Variants in ATXN7L1 observed in about 807,000 individuals in gnomAD.
The protein encoded by ATXN7L1 is ataxin 7 like 1.
A neutral mutation model predicts 70.8 loss-of-function variants in ATXN7L1; 15 were observed. The ratio of observed to expected loss-of-function variants is 0.21; its 90% CI spans 0.14 to 0.33. The LOEUF (loss-of-function observed/expected upper bound fraction) is 0.33, where lower values mean the gene tolerates loss of function less well. Ranked by LOEUF, ATXN7L1 falls within the 10% of genes least tolerant of loss-of-function variation. The pLI is 1.00. For synonymous variants in ATXN7L1, 440 were observed against 445.1 expected, an observed-to-expected ratio of 0.99 and a Z score of 0.14; for missense variants, 975 against 1,097.1, an observed-to-expected ratio of 0.89 and a Z score of 1.57.
chr7:105,692,423 T>TTCCTTCCTTCCCTCCCTCCCTCCCTCCC (rs1791079575), intron 3 of ATXN7L1, among the ~76,000 whole-genome samples: 1 of 101,766 alleles, frequency 9.8e-6, no homozygotes, highest in African/African-American at 3.9e-5. Flanking sequence ...CCTTCCTTCC[T>TTCCTTCCTTCCCTCCCTCCCTCCCTCCC]TCCTCCCTCC....
rs75928038 is a variant in ATXN7L1 at position 105,788,841 on chromosome 7, C to T, written c.251-133G>A. The T allele has an allele frequency of 1.4e-3, 966 of 709,830 alleles. 7 individuals carry two copies. The African/African-American group carries it at 0.014, about 10-fold the overall frequency. 44.0% of individuals were successfully genotyped at this position (709,830 alleles called of 1,614,324 possible). The stretch of plus-strand genomic sequence containing the variant: ...GCAGAAAGGCAATAATCTTTACTAA[C>T]GGGAACTCGGTTTGTCATAAGGCAA... On this transcript the variant is annotated intron_variant, in intron 2 of 11. Transcript: ENST00000419735.
At chr7:105,761,020 T>G (rs1800464195) in intron 3 of ATXN7L1, 1 of 345,512 alleles carries the variant, frequency 2.9e-6, no homozygotes, top group Non-Finnish European at 4.2e-6. Context: ...AATGACATGA[T>G]GAACTTTGAT....
intron 3 of ATXN7L1, among the ~76,000 whole-genome samples, chr7:105,773,885 A>T (rs2116446081): frequency 6.6e-6 from 1 of 152,340 alleles, no homozygotes; most frequent in South Asian, 2.1e-4. Flanking sequence ...TGGTTAAAAA[A>T]AATAAATGAT....
At chr7:105,802,202 C>T (rs933027512) in intron 2 of ATXN7L1, among the ~76,000 whole-genome samples, 2 of 152,168 alleles carry the variant, frequency 1.3e-5, no homozygotes, top group Non-Finnish European at 2.9e-5. Flanking sequence ...CAGGGTCAAT[C>T]CTTCATCACC....
chr7:105,748,801 C>G (rs190889858), intron 3 of ATXN7L1, among the ~76,000 whole-genome samples: 20 of 152,298 alleles, frequency 1.3e-4, no homozygotes, highest in African/African-American at 4.6e-4. Context: ...TAGAGCTGGG[C>G]CCACCCCGGA....
intron 7 of ATXN7L1, among the ~76,000 whole-genome samples, chr7:105,637,156 G>A (rs1474336259): frequency 1.3e-5 from 2 of 152,162 alleles, no homozygotes; most frequent in Non-Finnish European, 2.9e-5. Flanking sequence ...CCATCTGACC[G>A]CGTCCTCCTG....
intron 2 of ATXN7L1, among the ~76,000 whole-genome samples, chr7:105,804,117 GC>G (rs1807221745): frequency 6.6e-6 from 1 of 152,190 alleles, no homozygotes; most frequent in Admixed American, 6.5e-5. Context: ...AGAATGGGGT[GC>G]CCAGCTTCCT....
chr7:105,669,107 C>T (rs1355417752), intron 3 of ATXN7L1, among the ~76,000 whole-genome samples: 1 of 151,972 alleles, frequency 6.6e-6, no homozygotes, highest in East Asian at 1.9e-4. Flanking sequence ...TTTTTTGAGA[C>T]AGTCTCGCTC....
At chr7:105,867,377 T>C (rs895119991) in intron 2 of ATXN7L1, among the ~76,000 whole-genome samples, 1 of 152,242 alleles carries the variant, frequency 6.6e-6, no homozygotes, top group Non-Finnish European at 1.5e-5. Flanking sequence ...CAATGCGATG[T>C]GGTACTTTTG....
At chr7:105,761,862 T>C (rs376211323) in intron 3 of ATXN7L1, among the ~76,000 whole-genome samples, 38 of 152,346 alleles carry the variant, frequency 2.5e-4, no homozygotes, top group African/African-American at 8.4e-4. Context: ...CCACATCACA[T>C]TGTATTCTAA....
chr7:105,836,048 G>T (rs973066831), intron 2 of ATXN7L1, among the ~76,000 whole-genome samples: 6 of 152,110 alleles, frequency 3.9e-5, no homozygotes, highest in Admixed American at 2.6e-4. Context: ...ATTTATCCAG[G>T]GAAGAAGCAG....
chr7:105,620,396 T>C (rs910524912), intron 8 of ATXN7L1, 75 bp from the exon 9 acceptor site: 24 of 1,403,370 alleles, frequency 1.7e-5, no homozygotes, highest in Admixed American at 2.8e-5. Flanking sequence ...AAAAATAACA[T>C]TTACATAAAA....
chr7:105,612,487 G>T (rs539133919), intron 10 of ATXN7L1, among the ~76,000 whole-genome samples: 91 of 152,232 alleles, frequency 6.0e-4, no homozygotes, highest in Non-Finnish European at 1.1e-3. Context: ...ATGTTCACAA[G>T]CCCCCCGGGG....
chr7:105,619,523 TATATATA>T (rs1288821448), intron 9 of ATXN7L1, among the ~76,000 whole-genome samples: 15 of 16,912 alleles, frequency 8.9e-4, no homozygotes, highest in South Asian at 3.0e-3. Context: ...TATATATATA[TATATATA>T]TTTTTTTTTT....
intron 4 of ATXN7L1, among the ~76,000 whole-genome samples, chr7:105,652,373 C>T (rs373883062): frequency 6.6e-6 from 1 of 152,166 alleles, no homozygotes; most frequent in East Asian, 1.9e-4. Context: ...GTATCAGAGC[C>T]TGGGAGGGCA....
At chr7:105,727,775 T>TATATATATATATATATATAC (rs1554442569) in intron 3 of ATXN7L1, among the ~76,000 whole-genome samples, 1 of 115,460 alleles carries the variant, frequency 8.7e-6, no homozygotes, top group African/African-American at 3.6e-5. Flanking sequence ...TATATATATA[T>TATATATATATATATATATAC]ATACACACAC....
At chr7:105,773,736 G>T (rs964413062) in intron 3 of ATXN7L1, among the ~76,000 whole-genome samples, 7 of 152,074 alleles carry the variant, frequency 4.6e-5, no homozygotes, top group Non-Finnish European at 7.3e-5. Context: ...TCCAGTGCCG[G>T]CTGAATAATG....
chr7:105,758,276 C>T (rs897978737), intron 3 of ATXN7L1, among the ~76,000 whole-genome samples: 1 of 152,202 alleles, frequency 6.6e-6, no homozygotes, highest in Non-Finnish European at 1.5e-5. Flanking sequence ...ACTTCTCCTC[C>T]TGGGCTGGGC....
At chr7:105,624,850 T>C (rs1235638766) in intron 7 of ATXN7L1, among the ~76,000 whole-genome samples, 3 of 152,114 alleles carry the variant, frequency 2.0e-5, no homozygotes, top group African/African-American at 4.8e-5. Flanking sequence ...AGCCCAACAG[T>C]GTAAGTGGAA....
Sources: gnomAD v4.1 joint callset for allele counts (sites outside exome capture counted in the v4.1 genomes callset) on GRCh38, gnomAD v4.1.1 for gene constraint, MANE v1.5 for transcripts, NCBI Gene and HGNC (gene_info 2026-07-23, HGNC 2026-07-21) for gene names.